DPYSL5: variants seen among roughly 807,000 people sequenced by gnomAD.
DPYSL5 encodes dihydropyrimidinase-related protein 5.
Under a neutral mutation model 58.4 loss-of-function variants are expected in DPYSL5, and 9 were observed. That is an observed-to-expected ratio of 0.15 (90% CI 0.09 to 0.27). The LOEUF (loss-of-function observed/expected upper bound fraction) is 0.27. DPYSL5 is among the 10% of genes least tolerant of loss of function. The pLI, the probability that DPYSL5 is intolerant of heterozygous loss-of-function variation, is 1.00. For missense variants in DPYSL5, 499 were observed against 770.6 expected (o/e 0.65, Z 4.17); for synonymous variants, 293 against 301.9 (o/e 0.97, Z 0.31).
At chr2:26,867,701 C>T (rs1663134614) in intron 1 of DPYSL5, among the ~76,000 whole-genome samples, 2 of 151,796 alleles carry the variant, frequency 1.3e-5, no homozygotes, top group Admixed American at 6.6e-5. Context: ...GTGATCCGCC[C>T]GCCTCGGCCT....
chr2:26,884,344 T>G (rs1226193495), intron 1 of DPYSL5, among the ~76,000 whole-genome samples: 1 of 152,142 alleles, frequency 6.6e-6, no homozygotes, highest in Non-Finnish European at 1.5e-5. Flanking sequence ...ACACTTACTT[T>G]TGAGGGTCCT....
At chr2:26,871,687 C>T (rs1052876573) in intron 1 of DPYSL5, among the ~76,000 whole-genome samples, 4 of 151,984 alleles carry the variant, frequency 2.6e-5, no homozygotes, top group African/African-American at 4.8e-5. Flanking sequence ...GTGATCCACC[C>T]GCCTCGGCCT....
intron 1 of DPYSL5, among the ~76,000 whole-genome samples, chr2:26,882,455 G>GTGTGTA (rs1477087016): frequency 6.7e-6 from 1 of 150,142 alleles, no homozygotes; most frequent in African/African-American, 2.5e-5. Context: ...GTGTGTGTGT[G>GTGTGTA]TATGTGTGTG....
At chr2:26,875,660 C>T (rs572579116) in intron 1 of DPYSL5, among the ~76,000 whole-genome samples, 1 of 152,166 alleles carries the variant, frequency 6.6e-6, no homozygotes, top group African/African-American at 2.4e-5. Flanking sequence ...GGACTCTACA[C>T]CTGCCTTCTG....
At chr2:26,850,631 A>G (rs1665727883) in intron 1 of DPYSL5, among the ~76,000 whole-genome samples, 1 of 152,182 alleles carries the variant, frequency 6.6e-6, no homozygotes, top group South Asian at 2.1e-4. Flanking sequence ...TTTGCCACTA[A>G]GTTAACTGAG....
intron 2 of DPYSL5, among the ~76,000 whole-genome samples, chr2:26,901,677 G>A (rs1013544964): frequency 6.6e-6 from 1 of 152,080 alleles, no homozygotes; most frequent in Non-Finnish European, 1.5e-5. Context: ...TCACCCGAAC[G>A]ATTAGCCAAG....
At chr2:26,931,749 T>G in intron 6 of DPYSL5, 65 bp downstream of exon 6, 1 of 1,569,216 alleles carries the variant, frequency 6.4e-7, no homozygotes, top group Non-Finnish European at 8.8e-7. Flanking sequence ...TGCTGATGTC[T>G]GTAATCCCAG....
In DPYSL5 at chr2:26,898,619, C is replaced by T. The variant is rs146844771; in HGVS notation, c.120C>T (p.Arg40=). ...IENGIIQQVG[R]ELMIPGGAKV... Reference sequence around the variant, plus strand: ...ATGGCATCATCCAGCAGGTGGGCCGCGAGCTCATGATCCCTGGCGGGGCCA... The same window carrying T: ...ATGGCATCATCCAGCAGGTGGGCCGTGAGCTCATGATCCCTGGCGGGGCCA... The change falls in exon 2 of 13, where the codon CGC becomes CGT. Residue 40 remains arginine, a synonymous_variant. Coordinates refer to ENST00000288699, the MANE Select transcript of DPYSL5 (RefSeq NM_020134.4). This position sits in a 1 kb window ranked among gnomAD's most constrained non-coding sequence, Gnocchi z 6.1. 524 of 1,614,150 alleles carry T rather than the reference C, an allele frequency of 3.2e-4. No individual in the cohort carries two copies. Among genetic ancestry groups the T allele is most frequent in the Non-Finnish European group, 4.0e-4 (468 of 1,180,026 alleles).
intron 1 of DPYSL5, among the ~76,000 whole-genome samples, chr2:26,874,635 G>A (rs955218314): frequency 6.6e-6 from 1 of 152,182 alleles, no homozygotes; most frequent in Middle Eastern, 3.2e-3. Flanking sequence ...AGTATGTCTT[G>A]AAATAAGGTT....
Position 26,942,841 on chromosome 2 carries a change from C to T in DPYSL5, c.1440+91C>T, listed in dbSNP as rs1665361114. On this transcript the variant is annotated intron_variant, in intron 11 of 12. Coordinates refer to ENST00000288699, the MANE Select transcript of DPYSL5 (RefSeq NM_020134.4). The surrounding 1 kb of genome is among the most constrained non-coding windows in gnomAD (Gnocchi z 5.9). ...GTTTTAAATCTCAAAGAGATGTTCACTCCAGTTTTCGACCCAATTCCATTG... is the reference window on the plus strand; with the variant it reads ...GTTTTAAATCTCAAAGAGATGTTCATTCCAGTTTTCGACCCAATTCCATTG... The T allele has an allele frequency of 4.2e-6, 6 of 1,437,414 alleles. No individual in the cohort carries two copies. Among genetic ancestry groups the T allele is most frequent in the African/African-American group, 2.8e-5 (2 of 71,186 alleles). 89.0% of individuals were successfully genotyped at this position (1,437,414 alleles called of 1,614,324 possible). A position where few individuals can be genotyped will look rare whatever the true frequency, so the allele number is the denominator to read the frequency against.
chr2:26,855,302 G>T (rs895800487), intron 1 of DPYSL5, among the ~76,000 whole-genome samples: 1 of 151,902 alleles, frequency 6.6e-6, no homozygotes, highest in South Asian at 2.1e-4. Flanking sequence ...GGTGGCAGGT[G>T]CCTGTAGTCC....
In DPYSL5 at chr2:26,949,560, G is replaced by A. The variant is rs546431236; in HGVS notation, c.*2565G>A. The A allele has an allele frequency of 6.6e-5, 10 of 152,492 alleles. No individual in the cohort carries two copies. The East Asian group carries it at 7.7e-4, about 12-fold the overall frequency. 9.4% of individuals were successfully genotyped at this position (152,492 alleles called of 1,614,324 possible). A position where few individuals can be genotyped will look rare whatever the true frequency, so the allele number is the denominator to read the frequency against. On this transcript the variant is annotated 3_prime_UTR_variant, in exon 13 of 13. Transcript: ENST00000288699. ...AGATGTCAAAGAGCCCAGCAGCAGCGGTGGTGGCCAGCTGGGCAGAGCATC... is the reference window on the plus strand; with the variant it reads ...AGATGTCAAAGAGCCCAGCAGCAGCAGTGGTGGCCAGCTGGGCAGAGCATC...
At chr2:26,869,402 A>T (rs1162454543) in intron 1 of DPYSL5, among the ~76,000 whole-genome samples, 5 of 152,160 alleles carry the variant, frequency 3.3e-5, no homozygotes, top group Non-Finnish European at 7.3e-5. Flanking sequence ...CATATAGTCT[A>T]ATTTTAGAAA....
Position 26,934,146 on chromosome 2 carries a change from T to G in DPYSL5, c.791-432T>G, listed in dbSNP as rs1253064909. On this transcript the variant is annotated intron_variant, in intron 7 of 12. Transcript: ENST00000288699. This position sits in a 1 kb window ranked among gnomAD's most constrained non-coding sequence, Gnocchi z 4.3. ...CTGTCCTCCAGCCCTGCTACGGCCC[T>G]CCCTGTCCTACCACAACCGTTCTCT... 6.6e-6 allele frequency among the ~76,000 whole-genome samples: 1 copy of G among 152,112 alleles called. No individual in the cohort carries two copies. The highest frequency in any genetic ancestry group is 6.5e-5 in the Admixed American group (1 of 15,278).
At chr2:26,873,732 A>G (rs181676535) in intron 1 of DPYSL5, among the ~76,000 whole-genome samples, 3 of 152,310 alleles carry the variant, frequency 2.0e-5, no homozygotes, top group Non-Finnish European at 4.4e-5. Flanking sequence ...GAAAAAGAAT[A>G]TCTCCTGACA....
At chr2:26,892,134 G>A (rs1663896394) in intron 1 of DPYSL5, among the ~76,000 whole-genome samples, 1 of 152,176 alleles carries the variant, frequency 6.6e-6, no homozygotes, top group African/African-American at 2.4e-5. Flanking sequence ...TAAATCTGAA[G>A]CCCATCCCTC....
At chr2:26,866,549 A>G (rs1475696465) in intron 1 of DPYSL5, among the ~76,000 whole-genome samples, 2 of 152,086 alleles carry the variant, frequency 1.3e-5, no homozygotes, top group Non-Finnish European at 2.9e-5. Context: ...TGAGGCTTAG[A>G]AGAATTGTAA....
intron 1 of DPYSL5, among the ~76,000 whole-genome samples, chr2:26,864,827 A>G (rs1666101496): frequency 6.6e-6 from 1 of 152,164 alleles, no homozygotes; most frequent in Admixed American, 6.5e-5. Flanking sequence ...GCCGGGGTCA[A>G]CTAAGCACAT....
intron 1 of DPYSL5, among the ~76,000 whole-genome samples, chr2:26,871,517 A>C (rs1663261532): frequency 6.6e-6 from 1 of 152,120 alleles, no homozygotes; most frequent in African/African-American, 2.4e-5. Context: ...ATCTTGGCTC[A>C]CTGCAGCCTC....
Sources: gnomAD v4.1 joint callset for allele counts (sites outside exome capture counted in the v4.1 genomes callset) on GRCh38, gnomAD v4.1.1 for gene constraint, Gnocchi (gnomAD v3.1) non-coding constraint, MANE v1.5 for transcripts, NCBI Gene and HGNC (gene_info 2026-07-23, HGNC 2026-07-21) for gene names.